Variants in SULT2B1 observed in about 807,000 individuals in gnomAD.
SULT2B1 encodes the protein sulfotransferase family 2B member 1.
A neutral mutation model predicts 33.2 loss-of-function variants in SULT2B1; 16 were observed. That is an observed-to-expected ratio of 0.48 (90% CI 0.33 to 0.73). SULT2B1 has a LOEUF of 0.73. Among genes scored for constraint, SULT2B1 ranks in the 30% least tolerant of loss-of-function variants. The pLI, the probability that SULT2B1 is intolerant of heterozygous loss-of-function variation, is 0.02. For synonymous variants in SULT2B1, 186 were observed against 200.5 expected, an observed-to-expected ratio of 0.93 and a Z score of 0.61; for missense variants, 500 against 506.0, an observed-to-expected ratio of 0.99 and a Z score of 0.11.
chr19:48,583,964 T>C (rs1009908736), intron 2 of SULT2B1, among the ~76,000 whole-genome samples: 1 of 151,860 alleles, frequency 6.6e-6, no homozygotes, highest in Non-Finnish European at 1.5e-5. Flanking sequence ...ATACAAAAAT[T>C]AGCTGGGCAT....
intron 1 of SULT2B1, 95 bp from the exon 2 acceptor site, chr19:48,575,846 G>A: frequency 6.5e-7 from 1 of 1,534,746 alleles, no homozygotes; most frequent in Non-Finnish European, 8.8e-7. Context: ...CTCTGAGGAG[G>A]AAGTTCCTTG....
At chr19:48,585,048 C>CAAAAAAAAAAAA (rs57540837) in intron 2 of SULT2B1, among the ~76,000 whole-genome samples, 6 of 62,246 alleles carry the variant, frequency 9.6e-5, no homozygotes, top group African/African-American at 4.3e-4. Flanking sequence ...GACTCCTTCT[C>CAAAAAAAAAAAA]AAAAAAAAAA....
chr19:48,569,559 ACT>A (rs1973293840), intron 1 of SULT2B1, among the ~76,000 whole-genome samples: 1 of 150,606 alleles, frequency 6.6e-6, no homozygotes, highest in South Asian at 2.1e-4. Context: ...TTGGGTTCTC[ACT>A]CTGTGTAGCC....
chr19:48,554,905 T>C (rs1973077882), intron 1 of SULT2B1, among the ~76,000 whole-genome samples: 1 of 151,576 alleles, frequency 6.6e-6, no homozygotes, highest in Non-Finnish European at 1.5e-5. Context: ...ACGGCCAGGA[T>C]TTGAACCAGG....
intron 1 of SULT2B1, among the ~76,000 whole-genome samples, chr19:48,561,210 A>G (rs1027533591): frequency 1.1e-4 from 16 of 151,702 alleles, no homozygotes; most frequent in African/African-American, 3.9e-4. Context: ...CAGGCGGATC[A>G]CCTGAGGTGG....
At chr19:48,577,438 T>C (rs1316044487) in intron 2 of SULT2B1, among the ~76,000 whole-genome samples, 1 of 138,090 alleles carries the variant, frequency 7.2e-6, no homozygotes, top group Non-Finnish European at 1.5e-5. Context: ...TGATCTCGGC[T>C]CACTGCAATC....
Position 48,587,286 on chromosome 19 carries a change from G to T in SULT2B1, c.272G>T (p.Trp91Leu), listed in dbSNP as rs751390677. 1.2e-6 allele frequency: 2 copies of T among 1,614,052 alleles called. No homozygotes were observed. ...ATCCTGAAGGAAGGGGATCCATCCT[G>T]GATCCGCTCCGTGCCCATCTGGGAG... is the stretch of plus-strand genomic sequence containing the variant. ...CLILKEGDPSWIRSVPIWERA... is the reference protein window; with the variant it reads ...CLILKEGDPSLIRSVPIWERA... Residue 91 changes from tryptophan (W) to leucine (L), a missense_variant, in exon 3 of 7, where the codon TGG becomes TTG. By Grantham distance (61) the Trp-to-Leu change is moderately conservative (BLOSUM62 -2). Coordinates refer to ENST00000201586, the MANE Select transcript of SULT2B1 (RefSeq NM_177973.2).
chr19:48,559,473 C>A (rs950682527), intron 1 of SULT2B1, among the ~76,000 whole-genome samples: 6 of 152,106 alleles, frequency 3.9e-5, no homozygotes, highest in African/African-American at 1.4e-4. Context: ...TGGGTTCAAG[C>A]GATTCTCCTG....
Position 48,588,185 on chromosome 19 carries a change from G to C in SULT2B1, c.423+748G>C, listed in dbSNP as rs181089558. ...AGATGGCACCACTGCACTCCAGCCTGGGAGACAGACCAAGATTTCATCTCA... is the reference window on the plus strand; with the variant it reads ...AGATGGCACCACTGCACTCCAGCCTCGGAGACAGACCAAGATTTCATCTCA... On this transcript the variant is annotated intron_variant, in intron 3 of 6. Coordinates refer to ENST00000201586, the MANE Select transcript of SULT2B1 (RefSeq NM_177973.2). 3.4e-5 allele frequency among the ~76,000 whole-genome samples: 5 copies of C among 147,520 alleles called. No homozygotes were observed. In the East Asian group the frequency reaches 9.9e-4, roughly 29 times the overall value.
chr19:48,571,258 G>A (rs1184688703), intron 1 of SULT2B1, among the ~76,000 whole-genome samples: 1 of 151,550 alleles, frequency 6.6e-6, no homozygotes, highest in Non-Finnish European at 1.5e-5. Flanking sequence ...GTGCAGTGAT[G>A]TGATCTCAGG....
At chr19:48,576,366 T>TTTTTTTTTTTC in intron 2 of SULT2B1, among the ~76,000 whole-genome samples, 1 of 128,704 alleles carries the variant, frequency 7.8e-6, no homozygotes, top group East Asian at 2.2e-4. Flanking sequence ...TCTCTTTTTT[T>TTTTTTTTTTTC]TTTTTTTTTT....
intron 2 of SULT2B1, among the ~76,000 whole-genome samples, chr19:48,583,406 A>G (rs1407911218): frequency 6.6e-6 from 1 of 152,254 alleles, no homozygotes; most frequent in African/African-American, 2.4e-5. Flanking sequence ...CAATGTTCAT[A>G]GCCACATTAT....
At chr19:48,565,198 T>A (rs1973229167) in intron 1 of SULT2B1, among the ~76,000 whole-genome samples, 1 of 152,016 alleles carries the variant, frequency 6.6e-6, no homozygotes, top group Non-Finnish European at 1.5e-5. Context: ...AGAGCTGGGA[T>A]TACAGGCATG....
chr19:48,555,046 C>T (rs978732712), intron 1 of SULT2B1, among the ~76,000 whole-genome samples: 1 of 152,116 alleles, frequency 6.6e-6, no homozygotes, highest in Non-Finnish European at 1.5e-5. Context: ...TTCTAGCCTC[C>T]GAGTAGCTGG....
chr19:48,592,026 G>A (rs1306609199), intron 4 of SULT2B1, among the ~76,000 whole-genome samples: 2 of 152,094 alleles, frequency 1.3e-5, no homozygotes, highest in Non-Finnish European at 2.9e-5. Flanking sequence ...CGGCATGGTG[G>A]CTCATGCGTG....
At chr19:48,554,218 CCCAGCGAG>C in intron 1 of SULT2B1, among the ~76,000 whole-genome samples, 1 of 152,066 alleles carries the variant, frequency 6.6e-6, no homozygotes, top group South Asian at 2.1e-4. Flanking sequence ...CGTGCCTCTC[CCCAGCGAG>C]CCTGCTGGAG....
At chr19:48,597,702 G>A (rs1483977448) in intron 6 of SULT2B1, among the ~76,000 whole-genome samples, 1 of 139,820 alleles carries the variant, frequency 7.2e-6, no homozygotes, top group Non-Finnish European at 1.5e-5. Flanking sequence ...GGAGTGCAAT[G>A]GCGCGATCTC....
intron 2 of SULT2B1, among the ~76,000 whole-genome samples, chr19:48,581,933 C>T (rs1398784375): frequency 6.7e-6 from 1 of 148,588 alleles, no homozygotes; most frequent in Non-Finnish European, 1.5e-5. Context: ...GAGATGAAGT[C>T]TCGCTCTGTC....
At chr19:48,562,702 CAG>C (rs1196424035) in intron 1 of SULT2B1, among the ~76,000 whole-genome samples, 3 of 151,804 alleles carry the variant, frequency 2.0e-5, no homozygotes, top group Non-Finnish European at 2.9e-5. Context: ...TTTTTTGAGA[CAG>C]AGTCTCACTT....
Sources: gnomAD v4.1 joint callset for allele counts (sites outside exome capture counted in the v4.1 genomes callset) on GRCh38, gnomAD v4.1.1 for gene constraint, MANE v1.5 for transcripts, NCBI Gene and HGNC (gene_info 2026-07-23, HGNC 2026-07-21) for gene names.